ATL2: variants seen among roughly 807,000 people sequenced by gnomAD.
The protein encoded by ATL2 is atlastin GTPase 2, also known as atlastin-2.
ATL2 carries 31 observed loss-of-function variants against 73.9 expected under a neutral mutation model. The observed-to-expected ratio is 0.42, with a 90% CI of 0.32 to 0.57. ATL2 has a LOEUF of 0.57. Ranked by LOEUF, ATL2 falls within the 20% of genes least tolerant of loss-of-function variation. The pLI, the probability that ATL2 is intolerant of heterozygous loss-of-function variation, is 0.14. For missense variants in ATL2, 738 were observed against 702.6 expected (o/e 1.05, Z -0.57); for synonymous variants, 291 against 237.5 (o/e 1.23, Z -2.07).
intron 1 of ATL2, among the ~76,000 whole-genome samples, chr2:38,347,266 C>A (rs551813556): frequency 1.3e-5 from 2 of 152,328 alleles, no homozygotes; most frequent in Admixed American, 6.5e-5. Context: ...TGTCATCTTA[C>A]AACACACTCC....
Position 38,371,380 on chromosome 2 carries a change from C to T in ATL2, c.118+5763G>A, listed in dbSNP as rs1420633300. Among the ~76,000 whole-genome samples the T allele has an allele frequency of 2.6e-5, 4 of 151,952 alleles. No individual in the cohort carries two copies. The East Asian group carries it at 7.7e-4, about 29-fold the overall frequency. ...AAAACTAGCCAGGTGTGGTAGCACACTCCTGTAGTCTTAGTTACTGAAGAG... is the reference window on the plus strand; with the variant it reads ...AAAACTAGCCAGGTGTGGTAGCACATTCCTGTAGTCTTAGTTACTGAAGAG... On this transcript the variant is annotated intron_variant, in intron 1 of 12. Transcript: ENST00000378954.
chr2:38,296,290 A>G, intron 12 of ATL2, 177 bp from the exon 13 acceptor site: 1 of 1,439,096 alleles, frequency 6.9e-7, no homozygotes, highest in Non-Finnish European at 9.1e-7. Context: ...TTATAATGCA[A>G]CAAAAATTAC....
chr2:38,315,656 TAA>T (rs1667991834), intron 4 of ATL2, among the ~76,000 whole-genome samples: 1 of 152,290 alleles, frequency 6.6e-6, no homozygotes, highest in African/African-American at 2.4e-5. Context: ...TCTTTAATGT[TAA>T]GATACGATCA....
intron 2 of ATL2, among the ~76,000 whole-genome samples, chr2:38,336,323 G>T (rs1179023674): frequency 1.3e-5 from 2 of 152,174 alleles, no homozygotes; most frequent in Non-Finnish European, 2.9e-5. Flanking sequence ...ACAGTTTGGG[G>T]AGCAGCTCTT....
At chr2:38,377,361 G>A (rs1357903147), upstream of ATL2, 2 of 1,005,432 alleles carry the variant, frequency 2.0e-6, no homozygotes, top group Non-Finnish European at 2.9e-6. Flanking sequence ...TCCTAGCGCC[G>A]CTCTCCGCCT....
chr2:38,376,748 C>A (rs1671992563), intron 1 of ATL2, among the ~76,000 whole-genome samples: 1 of 151,978 alleles, frequency 6.6e-6, no homozygotes, highest in African/African-American at 2.4e-5. Flanking sequence ...CCCGCCGCGT[C>A]CGGAGCTCGC....
At chr2:38,355,977 A>AT (rs1203520418) in intron 1 of ATL2, among the ~76,000 whole-genome samples, 1 of 151,912 alleles carries the variant, frequency 6.6e-6, no homozygotes, top group Non-Finnish European at 1.5e-5. Flanking sequence ...GATTACAGGC[A>AT]TGAGCCACCA....
At chr2:38,367,634 C>CTTTT (rs776674384) in intron 1 of ATL2, among the ~76,000 whole-genome samples, 1,134 of 95,330 alleles carry the variant, frequency 0.012, 28 homozygotes, top group African/African-American at 0.039. Flanking sequence ...TTTAAAACAA[C>CTTTT]TTTTTTTTTT....
In ATL2 at chr2:38,318,527, T is replaced by C. The variant is rs901398647; in HGVS notation, c.603+8A>G. The C allele has an allele frequency of 1.9e-6, 3 of 1,565,792 alleles. No homozygotes were observed. The highest frequency in any genetic ancestry group is 1.4e-5 in the African/African-American group (1 of 72,460). On this transcript the variant is annotated splice_region_variant and intron_variant, in intron 4 of 12. Transcript: ENST00000378954. ...GAACTGATCGCACCACTTAATCTTG[T>C]GTCTCACCTGGACAGAGCTAGTCAT...
rs565151165 is a variant in ATL2, at chr2:38,343,351, T to G, written c.280A>C (p.Ile94Leu). ...GCTCCTGCCACAGATACCACTACTA[T>G]GTTAAGATCTCGTATGTGCTCCTGT... Reference protein sequence around the residue: ...LLQEHIRDLNIVVVSVAGAFR... With the variant: ...LLQEHIRDLNLVVVSVAGAFR... Residue 94 changes from isoleucine (I) to leucine (L), a missense_variant, in exon 2 of 13, where the codon ATA becomes CTA. Transcript: ENST00000378954. 1.7e-5 allele frequency: 28 copies of G among 1,611,976 alleles called. No homozygotes were observed. The African/African-American group carries it at 3.6e-4, about 21-fold the overall frequency.
At chr2:38,302,762 G>C (rs1026972178) in intron 9 of ATL2, among the ~76,000 whole-genome samples, 1 of 152,220 alleles carries the variant, frequency 6.6e-6, no homozygotes, top group Non-Finnish European at 1.5e-5. Context: ...TTATGGGCTT[G>C]AAATGTCCCT....
rs1666858086 is a variant in ATL2 at position 38,295,763 on chromosome 2, A to C, written c.*231T>G. 2.7e-6 allele frequency: 1 copy of C among 367,440 alleles called. No homozygotes were observed. The highest frequency in any genetic ancestry group is 4.9e-6 in the Non-Finnish European group (1 of 203,218). 22.8% of individuals were successfully genotyped at this position (367,440 alleles called of 1,614,324 possible). On this transcript the variant is annotated 3_prime_UTR_variant, in exon 13 of 13. Transcript: ENST00000378954. ...AATAAAAGAGTTAAACATGGCACAAAGGTGCATGATTAACCAATGCTCCTC... is the reference window on the plus strand; with the variant it reads ...AATAAAAGAGTTAAACATGGCACAACGGTGCATGATTAACCAATGCTCCTC...
intron 2 of ATL2, among the ~76,000 whole-genome samples, chr2:38,327,823 C>G (rs1439043551): frequency 1.3e-5 from 2 of 152,104 alleles, no homozygotes; most frequent in Non-Finnish European, 2.9e-5. Context: ...GTAATCCCAG[C>G]TACTGAGGAG....
intron 1 of ATL2, among the ~76,000 whole-genome samples, chr2:38,344,885 C>T (rs1319529603): frequency 6.6e-6 from 1 of 152,192 alleles, no homozygotes; most frequent in Admixed American, 6.5e-5. Flanking sequence ...CTCCCGAAAA[C>T]AGCCATATAA....
At chr2:38,313,107 T>G in intron 7 of ATL2, 44 bp downstream of exon 7, 3 of 1,449,094 alleles carry the variant, frequency 2.1e-6, no homozygotes, top group Non-Finnish European at 2.9e-6. Context: ...CCCGTTTGCC[T>G]AGCTTGGTGC....
At chr2:38,336,612 G>A (rs1669369502) in intron 2 of ATL2, among the ~76,000 whole-genome samples, 1 of 152,148 alleles carries the variant, frequency 6.6e-6, no homozygotes, top group Non-Finnish European at 1.5e-5. Context: ...ACTTATTGTA[G>A]ATATATGGGA....
chr2:38,334,028 CTTTTTTT>C (rs34303299), intron 2 of ATL2, among the ~76,000 whole-genome samples: 4 of 121,626 alleles, frequency 3.3e-5, no homozygotes, highest in African/African-American at 1.0e-4. Flanking sequence ...ATCCAATCCT[CTTTTTTT>C]TTTTTTTTTT....
intron 2 of ATL2, among the ~76,000 whole-genome samples, chr2:38,342,366 T>A (rs1669773262): frequency 6.6e-6 from 1 of 152,246 alleles, no homozygotes; most frequent in South Asian, 2.1e-4. Flanking sequence ...ACATACAACC[T>A]GTACCATGAG....
intron 1 of ATL2, chr2:38,358,322 T>G (rs1670796386): frequency 6.5e-6 from 1 of 152,802 alleles, no homozygotes; most frequent in Non-Finnish European, 1.5e-5. Context: ...ACTCCAGGGT[T>G]GCTATCAAGG....
Sources: gnomAD v4.1 joint callset for allele counts (sites outside exome capture counted in the v4.1 genomes callset) on GRCh38, gnomAD v4.1.1 for gene constraint, MANE v1.5 for transcripts, NCBI Gene and HGNC (gene_info 2026-07-23, HGNC 2026-07-21) for gene names.